The following QTMAN variants were observed in gnomAD, a reference collection of about 807,000 sequenced individuals.
QTMAN encodes the protein tRNA-queuosine alpha-mannosyltransferase.
chr2:144,268,046 G>A, the QTMAN span, among the ~76,000 whole-genome samples: 2,224 of 152,264 alleles, frequency 0.015, 22 homozygotes, highest in Non-Finnish European at 0.024. Context: ...TATTGGAGGT[G>A]TTGCAGGTGG....
At chr2:144,219,770 C>T in the QTMAN span, among the ~76,000 whole-genome samples, 17 of 152,024 alleles carry the variant, frequency 1.1e-4, no homozygotes, top group South Asian at 3.1e-3. Context: ...TGCAGTGAGC[C>T]GAAATCATGC....
the QTMAN span, among the ~76,000 whole-genome samples, chr2:144,031,404 C>G: frequency 3.3e-5 from 5 of 151,948 alleles, no homozygotes; most frequent in African/African-American, 1.2e-4. Context: ...AAGAGTTGCT[C>G]TTGTAGACTC....
chr2:144,317,671 A>G, the QTMAN span: 8 of 152,160 alleles, frequency 5.3e-5, no homozygotes, highest in Non-Finnish European at 1.0e-4. Context: ...ATTTATGAGA[A>G]CTCATCAGAC....
chr2:144,270,659 G>C, the QTMAN span, among the ~76,000 whole-genome samples: 24 of 151,636 alleles, frequency 1.6e-4, no homozygotes, highest in South Asian at 8.4e-4. Flanking sequence ...TGCCGGGGGT[G>C]GGGGGGCAAG....
chr2:144,038,109 C>A, the QTMAN span, among the ~76,000 whole-genome samples: 17 of 152,300 alleles, frequency 1.1e-4, no homozygotes, highest in Admixed American at 5.9e-4. Context: ...CCTGTCAGGG[C>A]AAGTGCTCGA....
At chr2:144,083,872 T>C in the QTMAN span, among the ~76,000 whole-genome samples, 2 of 152,186 alleles carry the variant, frequency 1.3e-5, no homozygotes, top group Non-Finnish European at 2.9e-5. Context: ...TTATGTGGTA[T>C]TTCAAACAAT....
the QTMAN span, among the ~76,000 whole-genome samples, chr2:144,267,346 G>T: frequency 6.6e-6 from 1 of 152,326 alleles, no homozygotes; most frequent in East Asian, 1.9e-4. Flanking sequence ...AAGAAGAGTA[G>T]GCAGCAGAGA....
At chr2:143,971,368 C>T in the QTMAN span, among the ~76,000 whole-genome samples, 2 of 151,944 alleles carry the variant, frequency 1.3e-5, no homozygotes, top group East Asian at 3.8e-4. Flanking sequence ...GGTCTATGTC[C>T]GCTGAGTATT....
chr2:144,119,827 AAT>A, the QTMAN span, among the ~76,000 whole-genome samples: 1 of 152,144 alleles, frequency 6.6e-6, no homozygotes, highest in Non-Finnish European at 1.5e-5. Flanking sequence ...GTGCCTCTAG[AAT>A]ATAAGCACCC....
chr2:143,978,583 CAAAG>C, the QTMAN span, among the ~76,000 whole-genome samples: 2 of 152,174 alleles, frequency 1.3e-5, no homozygotes, highest in Non-Finnish European at 2.9e-5. Context: ...ACCCATGCCT[CAAAG>C]AACTGGTGGG....
chr2:144,276,977 G>T, the QTMAN span, among the ~76,000 whole-genome samples: 1 of 152,110 alleles, frequency 6.6e-6, no homozygotes, highest in Admixed American at 6.5e-5. Flanking sequence ...AAGCAGTAAG[G>T]TATTATCAAG....
the QTMAN span, among the ~76,000 whole-genome samples, chr2:144,143,515 C>T: frequency 7.9e-5 from 12 of 151,728 alleles, no homozygotes; most frequent in Non-Finnish European, 1.2e-4. Context: ...CTGCTACTTC[C>T]GTGCATCCCT....
the QTMAN span, among the ~76,000 whole-genome samples, chr2:144,260,846 G>A: frequency 6.6e-6 from 1 of 151,734 alleles, no homozygotes. Context: ...CTTAGTGAAT[G>A]CTATAAATTT....
the QTMAN span, among the ~76,000 whole-genome samples, chr2:144,275,726 T>G: frequency 3.3e-5 from 5 of 152,182 alleles, no homozygotes; most frequent in Non-Finnish European, 7.3e-5. Flanking sequence ...CATCCTGGCC[T>G]CACAAGTCCA....
chr2:144,033,206 A>G, the QTMAN span, among the ~76,000 whole-genome samples: 1 of 152,192 alleles, frequency 6.6e-6, no homozygotes, highest in South Asian at 2.1e-4. Flanking sequence ...TAATTCTGAG[A>G]CTATGTACTG....
the QTMAN span, among the ~76,000 whole-genome samples, chr2:143,991,991 T>G: frequency 6.6e-6 from 1 of 151,816 alleles, no homozygotes; most frequent in Non-Finnish European, 1.5e-5. Context: ...TACTGGGAAG[T>G]GAGGAGCCCC....
At chr2:144,312,506 A>G in the QTMAN span, among the ~76,000 whole-genome samples, 6 of 152,184 alleles carry the variant, frequency 3.9e-5, no homozygotes, top group Admixed American at 3.9e-4. Context: ...GGACACATGC[A>G]GACTCCTCTA....
the QTMAN span, among the ~76,000 whole-genome samples, chr2:143,998,953 ACATAACCT>A: frequency 6.6e-6 from 1 of 152,076 alleles, no homozygotes; most frequent in African/African-American, 2.4e-5. Context: ...ACGAAGAGAG[ACATAACCT>A]CAACTGGACT....
chr2:144,216,569 AG>A, the QTMAN span, among the ~76,000 whole-genome samples: 71 of 152,340 alleles, frequency 4.7e-4, no homozygotes, highest in Middle Eastern at 3.4e-3. Context: ...TAAATCAAGC[AG>A]CAAGTATATC....
Sources: gnomAD v4.1 joint callset for allele counts (sites outside exome capture counted in the v4.1 genomes callset) on GRCh38, gnomAD v4.1.1 for gene constraint, MANE v1.5 for transcripts, NCBI Gene and HGNC (gene_info 2026-07-23, HGNC 2026-07-21) for gene names.